Variants in MKI67 observed in about 807,000 individuals in gnomAD.
The protein encoded by MKI67 is proliferation marker protein Ki-67.
Under a neutral mutation model 233.5 loss-of-function variants are expected in MKI67, and 152 were observed. The observed-to-expected ratio is 0.65, with a 90% CI of 0.57 to 0.74. The LOEUF (loss-of-function observed/expected upper bound fraction) is 0.74. Among genes scored for constraint, MKI67 ranks in the 30% least tolerant of loss-of-function variants. MKI67 has a pLI of 0.00. For missense variants in MKI67, 3,940 were observed against 3,885.2 expected, an observed-to-expected ratio of 1.01 and a Z score of -0.37; for synonymous variants, 1,465 against 1,418.5, an observed-to-expected ratio of 1.03 and a Z score of -0.74.
At chr10:128,102,152 C>G (rs1486448722) in intron 13 of MKI67, among the ~76,000 whole-genome samples, 1 of 152,206 alleles carries the variant, frequency 6.6e-6, no homozygotes, top group African/African-American at 2.4e-5. Context: ...ACAGTCCAGA[C>G]AGTTTCCCCT....
At position 128,115,455 on chromosome 10, in the gene MKI67, C is replaced by T. The variant is rs777767770; in HGVS notation, c.953G>A (p.Gly318Glu). 22 of 1,613,738 alleles carry T rather than the reference C, an allele frequency of 1.4e-5. No individual in the cohort carries two copies. Among genetic ancestry groups the T allele is most frequent in the Admixed American group, 3.3e-5 (2 of 59,928 alleles). ...SPEQELDQNK[G>E]KGRDVESVQT... ...AACAGACTCCACGTCTCTTCCCTTC[C>T]CCTTGTTCTGGTCAAGCTCTTGTTC... The change falls in exon 7 of 15, where the codon GGG becomes GAG. Residue 318 changes from glycine to glutamate, a missense_variant. Gly to Glu is a moderately conservative substitution (Grantham distance 98, BLOSUM62 -2). Coordinates refer to ENST00000368654, the MANE Select transcript of MKI67 (RefSeq NM_002417.5).
intron 13 of MKI67, among the ~76,000 whole-genome samples, chr10:128,102,103 C>T (rs1324963265): frequency 6.6e-6 from 1 of 152,142 alleles, no homozygotes; most frequent in African/African-American, 2.4e-5. Context: ...CTGGAGTTTC[C>T]CCAAACTTCT....
At position 128,113,502 on chromosome 10, in the gene MKI67, G is replaced by C. The variant is rs1852726392; in HGVS notation, c.1581C>G (p.Leu527=). 6.2e-7 allele frequency: 1 copy of C among 1,614,174 alleles called. No individual in the cohort carries two copies. Among genetic ancestry groups the C allele is most frequent in the Non-Finnish European group, 8.5e-7 (1 of 1,180,038 alleles). The change falls in exon 8 of 15, where the codon CTC becomes CTG. Residue 527 remains leucine (L), a synonymous_variant. Coordinates refer to ENST00000368654, the MANE Select transcript of MKI67 (RefSeq NM_002417.5). ...FDENLPPNTP[L]KRGEAPTKRK... is the part of the protein sequence containing the mutation. ...TTTTGGTTGGGGCTTCTCCCCTTTTGAGAGGCGTATTAGGAGGCAAGTTTT... is the reference window on the plus strand; with the variant it reads ...TTTTGGTTGGGGCTTCTCCCCTTTTCAGAGGCGTATTAGGAGGCAAGTTTT...
rs757390479 is a variant in MKI67, at chr10:128,098,478, G to A, written c.*712C>T. 2 of 152,182 alleles carry A rather than the reference G, an allele frequency of 1.3e-5. No homozygotes were observed. Among genetic ancestry groups the A allele is most frequent in the East Asian group, 1.9e-4 (1 of 5,192 alleles). The allele number at this position is 152,182 out of a possible 1,614,324, so 9.4% of individuals were successfully genotyped here. ...CCACAGCCTGGGACCCTGAGATTCC[G>A]CGGGTGGAGAATGTCTCAGGTGAGA... On this transcript the variant is annotated 3_prime_UTR_variant, in exon 15 of 15. Coordinates refer to ENST00000368654, the MANE Select transcript of MKI67 (RefSeq NM_002417.5).
At chr10:128,111,464 C>T (rs549091175) in intron 11 of MKI67, 181 bp downstream of exon 11, 5 of 574,918 alleles carry the variant, frequency 8.7e-6, no homozygotes, top group South Asian at 8.5e-5. Context: ...TTAGCAGAGA[C>T]TTGTCTTTGC....
intron 4 of MKI67, 115 bp downstream of exon 4, chr10:128,122,766 C>T (rs753737972): frequency 1.1e-5 from 6 of 537,412 alleles, no homozygotes; most frequent in Admixed American, 3.6e-5. Flanking sequence ...AGAATGAAAA[C>T]CTGAAATACT....
intron 11 of MKI67, among the ~76,000 whole-genome samples, chr10:128,110,789 T>A (rs1852658237): frequency 6.6e-6 from 1 of 152,236 alleles, no homozygotes; most frequent in Admixed American, 6.5e-5. Context: ...TTAGCTGACC[T>A]CTGGGTCCTC....
In MKI67 at chr10:128,111,995, T is replaced by C. The variant is rs1169684413; in HGVS notation, c.2020A>G (p.Thr674Ala). ...TGAGGACCATGTTTTATGACTTTAGTTTGTGTTTGTTTTGCACCAAGTTTT... is the reference window on the plus strand; with the variant it reads ...TGAGGACCATGTTTTATGACTTTAGCTTGTGTTTGTTTTGCACCAAGTTTT... ...VVKLGAKQTQ[T>A]KVIKHGPQRS... Residue 674 changes from threonine to alanine, a missense_variant, in exon 10 of 15, where the codon ACT becomes GCT. Transcript: ENST00000368654. The C allele has an allele frequency of 6.2e-7, 1 of 1,613,660 alleles. No homozygotes were observed. Among genetic ancestry groups the C allele is most frequent in the Non-Finnish European group, 8.5e-7 (1 of 1,179,934 alleles).
At position 128,108,567 on chromosome 10, in the gene MKI67, C is replaced by T. The variant is rs199675670; in HGVS notation, c.3273G>A (p.Thr1091=). 18 of 1,614,186 alleles carry T rather than the reference C, an allele frequency of 1.1e-5. 1 individual carries two copies. In the Admixed American group the frequency reaches 1.7e-4, roughly 15 times the overall value. Residue 1091 remains threonine, a synonymous_variant, in exon 13 of 15, where the codon ACG becomes ACA. Transcript: ENST00000368654. ...CTAGTGACTGGGCCTCTTCCTTAGG[C>T]GTTCTTGGCCACTTCTTCATTCCAG... ...RVTGMKKWPR[T]PKEEAQSLED... is the part of the protein sequence containing the mutation.
At chr10:128,101,008 T>A (rs1278407765) in intron 14 of MKI67, among the ~76,000 whole-genome samples, 1 of 152,256 alleles carries the variant, frequency 6.6e-6, no homozygotes, top group Non-Finnish European at 1.5e-5. Flanking sequence ...GACAAATTCC[T>A]TTTCTTTCTG....
rs1452137799 is a variant in MKI67, at chr10:128,105,877, G to A, written c.5963C>T (p.Pro1988Leu). The change falls in exon 13 of 15, where the codon CCA (proline) becomes CTA (leucine). Residue 1988 changes from proline (P) to leucine (L), a missense_variant. Pro to Leu is a moderately conservative substitution (Grantham distance 98, BLOSUM62 -3). Transcript: ENST00000368654. ...EVSCKSPQPD[P>L]VKTPTSSKQR... is the part of the protein sequence containing the mutation. ...CTTGGAGCTTGTTGGGGTTTTGACT[G>A]GGTCTGGTTGTGGAGATTTGCAGGA... The A allele has an allele frequency of 1.3e-5, 21 of 1,613,744 alleles. No individual in the cohort carries two copies. The East Asian group carries it at 1.8e-4, about 14-fold the overall frequency.
rs746629900 is a variant in MKI67, at chr10:128,111,859, A to G, written c.2089-43T>C. On this transcript the variant is annotated intron_variant, in intron 10 of 14. Transcript: ENST00000368654. ...GAGGTAAACAGGACATTAAAGCATA[A>G]ATCCACACTGAATGCAAGCTTCGAT... 3.7e-6 allele frequency: 6 copies of G among 1,609,018 alleles called. No individual in the cohort carries two copies. The African/African-American group carries it at 5.4e-5, about 14-fold the overall frequency.
In MKI67 at chr10:128,097,428, A is replaced by G. The variant is rs1275348818; in HGVS notation, c.*1762T>C. ...GTGCTCTTGAAATACTGTACTTACC[A>G]GGGTGAGAAAAGGTGCTGACATACT... On this transcript the variant is annotated 3_prime_UTR_variant, in exon 15 of 15. Coordinates refer to ENST00000368654, the MANE Select transcript of MKI67 (RefSeq NM_002417.5). 1 of 152,176 alleles carries G rather than the reference A, an allele frequency of 6.6e-6. No individual in the cohort carries two copies. Among genetic ancestry groups the G allele is most frequent in the Non-Finnish European group, 1.5e-5 (1 of 68,028 alleles). 9.4% of individuals were successfully genotyped at this position (152,176 alleles called of 1,614,324 possible).
Position 128,107,775 on chromosome 10 carries a change from G to C in MKI67, c.4065C>G (p.Thr1355=), listed in dbSNP as rs769049228. 1 of 1,611,958 alleles carries C rather than the reference G, an allele frequency of 6.2e-7. No individual in the cohort carries two copies. Among genetic ancestry groups the C allele is most frequent in the Admixed American group, 1.7e-5 (1 of 59,840 alleles). The part of the protein sequence containing the change: ...DLTGFKELFQ[T]PGHTEEAVAA... ...CCACTGCTTCTTCAGTATGACCAGGGGTCTGGAAGAGCTCTTTAAAGCCAG... is the reference window on the plus strand; with the variant it reads ...CCACTGCTTCTTCAGTATGACCAGGCGTCTGGAAGAGCTCTTTAAAGCCAG... Residue 1355 remains threonine, a synonymous_variant, in exon 13 of 15, where the codon ACC becomes ACG. Coordinates refer to ENST00000368654, the MANE Select transcript of MKI67 (RefSeq NM_002417.5).
Position 128,104,590 on chromosome 10 carries a change from A to G in MKI67, c.7250T>C (p.Leu2417Ser), listed in dbSNP as rs777806572. 1.9e-6 allele frequency: 3 copies of G among 1,613,886 alleles called. No individual in the cohort carries two copies. The highest frequency in any genetic ancestry group is 2.5e-6 in the Non-Finnish European group (3 of 1,180,004). ...PVQKLDLLGN[L>S]PGSKRQPQTP... ...CTGTGGCTGTCTCTTGCTGCCAGGT[A>G]AATTTCCTAGCAGGTCCAGTTTCTG... Residue 2417 changes from leucine (L) to serine (S), a missense_variant, in exon 13 of 15, where the codon TTA (leucine) becomes TCA (serine). Leu to Ser is a moderately radical substitution (Grantham distance 145, BLOSUM62 -2). Transcript: ENST00000368654.
At chr10:128,100,835 G>A (rs1346514848) in intron 14 of MKI67, among the ~76,000 whole-genome samples, 6 of 152,168 alleles carry the variant, frequency 3.9e-5, no homozygotes, top group South Asian at 2.1e-4. Context: ...TGTTCCTTCT[G>A]CCTTTCCAAA....
At position 128,103,971 on chromosome 10, in the gene MKI67, C is replaced by T. The variant is rs760526940; in HGVS notation, c.7869G>A (p.Thr2623=). 56 of 1,613,948 alleles carry T rather than the reference C, an allele frequency of 3.5e-5. 1 individual carries two copies. Among genetic ancestry groups the T allele is most frequent in the South Asian group, 5.5e-5 (5 of 91,082 alleles). ...KEELSAVERL[T]QTSGQSTHTH... The stretch of plus-strand genomic sequence containing the variant: ...TGTGTGTGCTTTGCCCTGATGTTTG[C>T]GTGAGCCTCTCAACTGCTGAGAGCT... The change falls in exon 13 of 15, where the codon ACG becomes ACA. Residue 2623 remains threonine (T), a synonymous_variant. Transcript: ENST00000368654.
At chr10:128,119,348 G>A in intron 4 of MKI67, 29 bp from the exon 5 acceptor site, 3 of 1,521,760 alleles carry the variant, frequency 2.0e-6, no homozygotes, top group South Asian at 2.3e-5. Context: ...CAAAGATCCT[G>A]ATTAAAAATT....
chr10:128,119,166 G>T, intron 5 of MKI67, 87 bp downstream of exon 5: 1 of 995,170 alleles, frequency 1.0e-6, no homozygotes, highest in South Asian at 1.4e-5. Context: ...CTTTGTAACT[G>T]ATTTCAAGTA....
Sources: gnomAD v4.1 joint callset for allele counts (sites outside exome capture counted in the v4.1 genomes callset) on GRCh38, gnomAD v4.1.1 for gene constraint, MANE v1.5 for transcripts, NCBI Gene and HGNC (gene_info 2026-07-23, HGNC 2026-07-21) for gene names.